Variants in CAMTA1 observed in about 807,000 individuals in gnomAD.
CAMTA1 encodes the protein calmodulin binding transcription activator 1.
Under a neutral mutation model 170.9 loss-of-function variants are expected in CAMTA1, and 27 were observed. The observed-to-expected ratio is 0.16, with a 90% CI of 0.12 to 0.22. CAMTA1 has a LOEUF of 0.22. Among genes scored for constraint, CAMTA1 ranks in the 10% least tolerant of loss-of-function variants. The pLI, the probability that CAMTA1 is intolerant of heterozygous loss-of-function variation, is 1.00. For missense variants in CAMTA1, 1,619 were observed against 2,217.2 expected, an observed-to-expected ratio of 0.73 and a Z score of 5.42; for synonymous variants, 833 against 891.5, an observed-to-expected ratio of 0.93 and a Z score of 1.17.
chr1:7,040,987 G>A (rs1704360097), intron 3 of CAMTA1, among the ~76,000 whole-genome samples: 1 of 152,232 alleles, frequency 6.6e-6, no homozygotes, highest in South Asian at 2.1e-4. Context: ...CTCCCAAAGT[G>A]CTGGGATTAC....
intron 5 of CAMTA1, among the ~76,000 whole-genome samples, chr1:7,277,364 A>C (rs886980102): frequency 3.3e-5 from 5 of 152,116 alleles, no homozygotes; most frequent in Non-Finnish European, 7.4e-5. Flanking sequence ...GGTATCACTG[A>C]GTTGATATTC....
chr1:7,705,778 G>A (rs1386717955), intron 11 of CAMTA1, among the ~76,000 whole-genome samples: 28 of 152,190 alleles, frequency 1.8e-4, no homozygotes, highest in Non-Finnish European at 1.5e-5. Context: ...GGAGCGGAGG[G>A]ACGCTCGATT....
At chr1:7,004,884 C>T (rs983518675) in intron 3 of CAMTA1, among the ~76,000 whole-genome samples, 1 of 152,228 alleles carries the variant, frequency 6.6e-6, no homozygotes, top group Non-Finnish European at 1.5e-5. Flanking sequence ...TCTCATGCCT[C>T]AGCCTCCTGA....
chr1:7,422,428 T>C (rs2091624427), intron 5 of CAMTA1, among the ~76,000 whole-genome samples: 1 of 151,762 alleles, frequency 6.6e-6, no homozygotes, highest in Non-Finnish European at 1.5e-5. Flanking sequence ...CGAGAGGACA[T>C]AGCAGGAAAA....
chr1:7,149,676 T>C (rs1017592562), intron 4 of CAMTA1, among the ~76,000 whole-genome samples: 3 of 152,118 alleles, frequency 2.0e-5, no homozygotes, highest in African/African-American at 7.2e-5. Flanking sequence ...AGCCACTGGG[T>C]GCTCAGCTCT....
intron 6 of CAMTA1, among the ~76,000 whole-genome samples, chr1:7,630,122 G>T (rs968478370): frequency 6.6e-6 from 1 of 152,124 alleles, no homozygotes; most frequent in Non-Finnish European, 1.5e-5. Flanking sequence ...CCACGCATAC[G>T]TGCTGTTGGG....
chr1:6,884,609 C>G (rs1672654577), intron 3 of CAMTA1, among the ~76,000 whole-genome samples: 1 of 152,102 alleles, frequency 6.6e-6, no homozygotes, highest in South Asian at 2.1e-4. Context: ...CCTGCAGTAT[C>G]ATAATTAACC....
intron 4 of CAMTA1, among the ~76,000 whole-genome samples, chr1:7,200,278 G>T (rs1306951887): frequency 6.6e-6 from 1 of 152,100 alleles, no homozygotes; most frequent in Non-Finnish European, 1.5e-5. Flanking sequence ...ATATTTCACT[G>T]TGTGTTTAAG....
intron 5 of CAMTA1, among the ~76,000 whole-genome samples, chr1:7,462,426 G>A (rs565150444): frequency 2.6e-4 from 40 of 152,162 alleles, no homozygotes; most frequent in African/African-American, 8.4e-4. Flanking sequence ...CCATCACGCC[G>A]GCTAATTTTT....
At chr1:6,930,306 ACACCGT>A (rs1157639583) in intron 3 of CAMTA1, among the ~76,000 whole-genome samples, 22 of 152,102 alleles carry the variant, frequency 1.4e-4, no homozygotes, top group Non-Finnish European at 3.2e-4. Context: ...CCACCATTGT[ACACCGT>A]CATATGCTGA....
chr1:6,878,018 T>C (rs1670426305), intron 3 of CAMTA1, among the ~76,000 whole-genome samples: 1 of 152,236 alleles, frequency 6.6e-6, no homozygotes, highest in Non-Finnish European at 1.5e-5. Flanking sequence ...CAGGAGCTGA[T>C]AGACTGCACG....
chr1:7,454,824 T>G (rs1270441716), intron 5 of CAMTA1, among the ~76,000 whole-genome samples: 4 of 152,148 alleles, frequency 2.6e-5, no homozygotes, highest in African/African-American at 7.2e-5. Flanking sequence ...AGTCCCTGTG[T>G]TAAAGGAAGG....
At chr1:7,373,523 A>G (rs1333362903) in intron 5 of CAMTA1, among the ~76,000 whole-genome samples, 2 of 152,146 alleles carry the variant, frequency 1.3e-5, no homozygotes, top group Non-Finnish European at 2.9e-5. Context: ...TGGCCTCCAC[A>G]CTGCAGCGGG....
chr1:7,422,617 C>A (rs892098953), intron 5 of CAMTA1, among the ~76,000 whole-genome samples: 1 of 152,074 alleles, frequency 6.6e-6, no homozygotes, highest in Non-Finnish European at 1.5e-5. Context: ...TTTTAATATC[C>A]CTCTTTTACA....
rs751066654 is a variant in CAMTA1, at chr1:7,249,807, A to G, written c.438+181A>G. Among the ~76,000 whole-genome samples, 6 of 152,136 alleles carry G rather than the reference A, an allele frequency of 3.9e-5. No homozygotes were observed. Among genetic ancestry groups the G allele is most frequent in the Non-Finnish European group, 4.4e-5 (3 of 68,028 alleles). ...CTTCTTACCCTATAGTCTCCATTCA[A>G]GTTTTCAGTGAAACTGGATTGAACT... is the stretch of plus-strand genomic sequence containing the variant. On this transcript the variant is annotated intron_variant, in intron 5 of 22. Transcript: ENST00000303635. The surrounding 1 kb of genome is among the most constrained non-coding windows in gnomAD (Gnocchi z 4.4).
rs1323642817 is a variant in CAMTA1 at position 6,934,724 on chromosome 1, C to A, written c.234+109514C>A. Among the ~76,000 whole-genome samples, 1 of 151,506 alleles carries A rather than the reference C, an allele frequency of 6.6e-6. No individual in the cohort carries two copies. The highest frequency in any genetic ancestry group is 6.6e-5 in the Admixed American group (1 of 15,212). ...CTCTTATGCCCGCACCATGGCTTTA[C>A]CTAGCCCTGCTCTTCAGTGAAGGTA... On this transcript the variant is annotated intron_variant, in intron 3 of 22. Coordinates refer to ENST00000303635, the MANE Select transcript of CAMTA1 (RefSeq NM_015215.4). This position sits in a 1 kb window ranked among gnomAD's most constrained non-coding sequence, Gnocchi z 4.5.
intron 4 of CAMTA1, among the ~76,000 whole-genome samples, chr1:7,210,964 A>G (rs1658643855): frequency 1.3e-5 from 2 of 152,346 alleles, no homozygotes; most frequent in Admixed American, 6.5e-5. Context: ...ACAAATCCCC[A>G]TAATATTTTT....
chr1:7,172,776 G>T (rs548584973), intron 4 of CAMTA1, among the ~76,000 whole-genome samples: 2 of 152,324 alleles, frequency 1.3e-5, no homozygotes, highest in South Asian at 4.1e-4. Context: ...TGCTTGCTAG[G>T]ACCATGCCCG....
chr1:7,296,389 G>C (rs926827790), intron 5 of CAMTA1, among the ~76,000 whole-genome samples: 10 of 152,210 alleles, frequency 6.6e-5, no homozygotes, highest in African/African-American at 2.4e-4. Flanking sequence ...GTGGACCATT[G>C]CTCTGCCTTT....
Sources: allele counts gnomAD v4.1 joint callset (sites outside exome capture counted in the v4.1 genomes callset), GRCh38; gene constraint gnomAD v4.1.1; non-coding constraint Gnocchi (gnomAD v3.1); transcripts MANE v1.5; gene names NCBI Gene and HGNC (gene_info 2026-07-23, HGNC 2026-07-21).